The following PIEZO2 variants were observed in gnomAD, a reference collection of about 807,000 sequenced individuals.
PIEZO2 encodes piezo-type mechanosensitive ion channel component 2.
PIEZO2 carries 172 observed loss-of-function variants against 337.3 expected under a neutral mutation model. The observed-to-expected ratio is 0.51, with a 90% CI of 0.45 to 0.58. The LOEUF (loss-of-function observed/expected upper bound fraction) is 0.58, where lower values mean the gene tolerates loss of function less well. Among genes scored for constraint, PIEZO2 ranks in the 20% least tolerant of loss-of-function variants. PIEZO2 has a pLI of 0.00. For missense variants in PIEZO2, 3,028 were observed against 3,391.3 expected (o/e 0.89, Z 2.66); for synonymous variants, 1,251 against 1,228.5 (o/e 1.02, Z -0.38).
chr18:11,109,382 G>A lies in PIEZO2; in HGVS notation c.64+39143C>T, dbSNP rs187022189. ...TCTCTGTTAGCTATTTGATGGGGTG[G>A]CAGGTGGGAGCTGGGGGGTGTAGCT... is the stretch of plus-strand genomic sequence containing the variant. On this transcript the variant is annotated intron_variant, in intron 1 of 55. Transcript: ENST00000674853. This position sits in a 1 kb window ranked among gnomAD's most constrained non-coding sequence, Gnocchi z 5.1. 1.7e-4 allele frequency among the ~76,000 whole-genome samples: 26 copies of A among 152,280 alleles called. No homozygotes were observed. In the East Asian group the frequency reaches 5.0e-3, roughly 29 times the overall value.
Position 10,761,032 on chromosome 18 carries a change from T to G in PIEZO2, c.3329A>C (p.Asn1110Thr), listed in dbSNP as rs2038106163. The change falls in exon 24 of 56, where the codon AAC becomes ACC. Residue 1110 changes from asparagine (N) to threonine (T), a missense_variant. By Grantham distance (65) the Asn-to-Thr change is moderately conservative (BLOSUM62 0). This residue lies in a region of PIEZO2 where 1,925 missense variants were observed against 2,051.9 expected (regional missense o/e 0.94). Transcript: ENST00000674853. The part of the protein sequence containing the change: ...RHQEYYRGRN[N>T]LTAPVSRTIF... ...AGTTCTAGACACAGGGGCCGTCAGGTTATTTCGACCTCGATAGTATTCCTG... is the reference window on the plus strand; with the variant it reads ...AGTTCTAGACACAGGGGCCGTCAGGGTATTTCGACCTCGATAGTATTCCTG... The G allele has an allele frequency of 6.5e-7, 1 of 1,537,090 alleles. No homozygotes were observed. The highest frequency in any genetic ancestry group is 8.7e-7 in the Non-Finnish European group (1 of 1,146,752).
At chr18:10,985,187 T>A (rs144683555) in intron 2 of PIEZO2, among the ~76,000 whole-genome samples, 283 of 152,206 alleles carry the variant, frequency 1.9e-3, no homozygotes, top group African/African-American at 6.6e-3. Context: ...AAAATCAGAA[T>A]ACCGTAATGG....
chr18:10,871,317 A>G lies in PIEZO2; in HGVS notation c.428T>C (p.Ile143Thr), dbSNP rs1234606310. 2 of 1,537,282 alleles carry G rather than the reference A, an allele frequency of 1.3e-6. No homozygotes were observed. The highest frequency in any genetic ancestry group is 1.7e-4 in the Middle Eastern group (1 of 5,990). ...TTCGTCTGTCACAGGTTTCTGAACA[A>G]TGTTTCTACAGAGGAGCCAGATGGT... ...SLTIWLLCRN[I>T]VQKPVTDEAA... Residue 143 changes from isoleucine to threonine, a missense_variant, in exon 5 of 56, where the codon ATT becomes ACT. By Grantham distance (89) the Ile-to-Thr change is moderately conservative. Transcript: ENST00000674853.
chr18:10,684,558 G>T (rs1380284158), intron 49 of PIEZO2, among the ~76,000 whole-genome samples: 1 of 150,992 alleles, frequency 6.6e-6, no homozygotes, highest in East Asian at 2.0e-4. Context: ...TCCACCACCT[G>T]GGCTCGAGAG....
rs534759939 is a variant in PIEZO2 at position 10,715,709 on chromosome 18, T to C, written c.5197A>G (p.Ile1733Val). Residue 1733 changes from isoleucine to valine, a missense_variant, in exon 38 of 56, where the codon ATT becomes GTT. Ile to Val is a conservative substitution (Grantham distance 29). This residue lies in a region of PIEZO2 where 1,925 missense variants were observed against 2,051.9 expected (regional missense o/e 0.94). Transcript: ENST00000674853. ...TWLNSISREH[I>V]DISTVLRIER... The stretch of plus-strand genomic sequence containing the variant: ...ATTCTCAGAACTGTAGATATATCAA[T>C]ATGCTCCCTTGAAATGGAGTTAAGC... 1.3e-6 allele frequency: 2 copies of C among 1,536,840 alleles called. No homozygotes were observed. Among genetic ancestry groups the C allele is most frequent in the South Asian group, 1.2e-5 (1 of 83,998 alleles).
chr18:11,089,896 A>C (rs368265433), intron 1 of PIEZO2, among the ~76,000 whole-genome samples: 2 of 152,320 alleles, frequency 1.3e-5, no homozygotes, highest in South Asian at 4.1e-4. Context: ...AGTCCAGGCC[A>C]TTTCGAGGCC....
At chr18:10,875,112 G>C (rs998169756) in intron 4 of PIEZO2, among the ~76,000 whole-genome samples, 9 of 152,016 alleles carry the variant, frequency 5.9e-5, no homozygotes, top group African/African-American at 2.2e-4. Flanking sequence ...CTTAAAAAAT[G>C]ATCTGGAAGA....
rs1393616083 is a variant in PIEZO2, at chr18:10,945,806, A to G, written c.286+33729T>C. ...TCCATATGTTCAAACAGTTAAGTAG[A>G]TATAGAGAAGACATCAAAAGAAAAA... On this transcript the variant is annotated intron_variant, in intron 3 of 55. Transcript: ENST00000674853. The surrounding 1 kb of genome is among the most constrained non-coding windows in gnomAD (Gnocchi z 4.0). Among the ~76,000 whole-genome samples, 2 of 152,230 alleles carry G rather than the reference A, an allele frequency of 1.3e-5. No individual in the cohort carries two copies. Among genetic ancestry groups the G allele is most frequent in the Non-Finnish European group, 2.9e-5 (2 of 68,046 alleles).
rs1384614019 is a variant in PIEZO2 at position 10,676,790 on chromosome 18, A to G, written c.8081+957T>C. ...CCCCACCTCTTTCCACTGAGGGTGA[A>G]CGAGTGAAGTGGGTACCCACGATCG... is the stretch of plus-strand genomic sequence containing the variant. On this transcript the variant is annotated intron_variant, in intron 53 of 55. Transcript: ENST00000674853. This position sits in a 1 kb window ranked among gnomAD's most constrained non-coding sequence, Gnocchi z 5.1. Among the ~76,000 whole-genome samples the G allele has an allele frequency of 6.6e-6, 1 of 152,236 alleles. No individual in the cohort carries two copies. The highest frequency in any genetic ancestry group is 1.5e-5 in the Non-Finnish European group (1 of 68,038).
At position 10,762,776 on chromosome 18, in the gene PIEZO2, A is replaced by G. The variant is rs181423277; in HGVS notation, c.3123+146T>C. On this transcript the variant is annotated intron_variant, in intron 22 of 55. Coordinates refer to ENST00000674853, the MANE Select transcript of PIEZO2 (RefSeq NM_001378183.1). Reference sequence around the variant, plus strand: ...GAGACCTCAGTATGAGACGAGGCTTAACACAGGCCCAGAGCACGACCAGCC... The same window carrying G: ...GAGACCTCAGTATGAGACGAGGCTTGACACAGGCCCAGAGCACGACCAGCC... 426 of 1,317,458 alleles carry G rather than the reference A, an allele frequency of 3.2e-4. 1 individual carries two copies. The African/African-American group carries it at 5.7e-3, about 17-fold the overall frequency. The allele number at this position is 1,317,458 out of a possible 1,614,324, so 81.6% of individuals were successfully genotyped here.
chr18:11,000,637 G>T (rs1391141295), intron 2 of PIEZO2, among the ~76,000 whole-genome samples: 1 of 152,132 alleles, frequency 6.6e-6, no homozygotes, highest in East Asian at 1.9e-4. Flanking sequence ...GAACCAAAGG[G>T]ATCTCTTTCT....
chr18:10,960,420 T>C (rs979551059), intron 3 of PIEZO2, among the ~76,000 whole-genome samples: 4 of 152,160 alleles, frequency 2.6e-5, no homozygotes, highest in African/African-American at 4.8e-5. Context: ...ATTTAAACCC[T>C]AAAAGTATTA....
intron 30 of PIEZO2, among the ~76,000 whole-genome samples, chr18:10,747,535 G>A (rs576366540): frequency 6.6e-6 from 1 of 152,286 alleles, no homozygotes; most frequent in Non-Finnish European, 1.5e-5. Flanking sequence ...TTATAACAAT[G>A]AATTCCGGAG....
In PIEZO2 at chr18:10,830,419, T is replaced by C. The variant is rs1169428556; in HGVS notation, c.918-23145A>G. On this transcript the variant is annotated intron_variant, in intron 7 of 55. Coordinates refer to ENST00000674853, the MANE Select transcript of PIEZO2 (RefSeq NM_001378183.1). The surrounding 1 kb of genome is among the most constrained non-coding windows in gnomAD (Gnocchi z 4.7). The stretch of plus-strand genomic sequence containing the variant: ...ATACCCCACAAGCACAGACAACCAA[T>C]GCAACCTAGCACCATTTATTGAAGA... Among the ~76,000 whole-genome samples, 2 of 141,532 alleles carry C rather than the reference T, an allele frequency of 1.4e-5. No individual in the cohort carries two copies. The highest frequency in any genetic ancestry group is 1.4e-4 in the Admixed American group (2 of 14,172). 92.9% of individuals were successfully genotyped at this position (141,532 alleles called of 152,430 possible).
At chr18:10,909,503 A>C (rs141715545) in intron 4 of PIEZO2, among the ~76,000 whole-genome samples, 48 of 113,512 alleles carry the variant, frequency 4.2e-4, no homozygotes, top group African/African-American at 1.7e-3. Context: ...CTAAAGACTT[A>C]TTTGTATTAG....
chr18:10,705,292 G>C, intron 41 of PIEZO2, 44 bp downstream of exon 41: 2 of 1,466,560 alleles, frequency 1.4e-6, no homozygotes, highest in Non-Finnish European at 9.0e-7. Flanking sequence ...ATGTTTAAGT[G>C]GTGATTTGGG....
intron 17 of PIEZO2, among the ~76,000 whole-genome samples, chr18:10,780,849 G>C (rs1251437352): frequency 6.6e-6 from 1 of 151,690 alleles, no homozygotes; most frequent in African/African-American, 2.4e-5. Context: ...TTTTAGTAGA[G>C]ATGGGGTTTT....
chr18:10,913,648 T>A (rs2030675443), intron 3 of PIEZO2, among the ~76,000 whole-genome samples: 1 of 152,094 alleles, frequency 6.6e-6, no homozygotes, highest in Non-Finnish European at 1.5e-5. Context: ...AACAGGGAGT[T>A]TTAATTTAAA....
At position 11,080,740 on chromosome 18, in the gene PIEZO2, A is replaced by G. The variant is rs2038708969; in HGVS notation, c.65-14518T>C. Among the ~76,000 whole-genome samples the G allele has an allele frequency of 2.0e-5, 3 of 152,198 alleles. No homozygotes were observed. Among genetic ancestry groups the G allele is most frequent in the Non-Finnish European group, 4.4e-5 (3 of 68,040 alleles). Reference sequence around the variant, plus strand: ...GTGCCTGTAGTCCCAGCTACTTGAGAGGCTGAGGCAGGAGAATCGCTTGAA... The same window carrying G: ...GTGCCTGTAGTCCCAGCTACTTGAGGGGCTGAGGCAGGAGAATCGCTTGAA... On this transcript the variant is annotated intron_variant, in intron 1 of 55. Coordinates refer to ENST00000674853, the MANE Select transcript of PIEZO2 (RefSeq NM_001378183.1). The surrounding 1 kb of genome is among the most constrained non-coding windows in gnomAD (Gnocchi z 5.4).
Sources: gnomAD v4.1 joint callset for allele counts (sites outside exome capture counted in the v4.1 genomes callset) on GRCh38, gnomAD v4.1.1 for gene constraint, gnomAD v4.1.1 regional missense constraint, Gnocchi (gnomAD v3.1) non-coding constraint, MANE v1.5 for transcripts, NCBI Gene and HGNC (gene_info 2026-07-23, HGNC 2026-07-21) for gene names.